Variants in KHDRBS3 observed in about 807,000 individuals in gnomAD.
KHDRBS3 encodes KH RNA binding domain containing, signal transduction associated 3.
A neutral mutation model predicts 45.6 loss-of-function variants in KHDRBS3; 23 were observed. The observed-to-expected ratio is 0.50, with a 90% confidence interval of 0.36 to 0.72. KHDRBS3 has a LOEUF of 0.72. Among genes scored for constraint, KHDRBS3 ranks in the 30% least tolerant of loss-of-function variants. The pLI is 0.00. For missense variants in KHDRBS3, 352 were observed against 424.8 expected (o/e 0.83, Z 1.51); for synonymous variants, 162 against 156.5 (o/e 1.04, Z -0.26).
At chr8:135,640,784 G>A (rs1414608033) in intron 7 of KHDRBS3, among the ~76,000 whole-genome samples, 1 of 152,112 alleles carries the variant, frequency 6.6e-6, no homozygotes, top group African/African-American at 2.4e-5. Context: ...GGCCTAATGT[G>A]TTTTCTTGCC....
At chr8:135,602,666 G>A (rs911316568) in intron 6 of KHDRBS3, among the ~76,000 whole-genome samples, 1 of 151,924 alleles carries the variant, frequency 6.6e-6, no homozygotes, top group African/African-American at 2.4e-5. Flanking sequence ...TTCTTTTCAA[G>A]CTAACATTAC....
intron 1 of KHDRBS3, among the ~76,000 whole-genome samples, chr8:135,512,939 G>A (rs1224528635): frequency 2.6e-5 from 4 of 152,170 alleles, no homozygotes; most frequent in Non-Finnish European, 4.4e-5. Context: ...GAGGCTAGGC[G>A]CAGTGGCTCA....
chr8:135,546,458 A>G (rs1826307779), intron 3 of KHDRBS3, among the ~76,000 whole-genome samples: 1 of 152,230 alleles, frequency 6.6e-6, no homozygotes, highest in Admixed American at 6.5e-5. Flanking sequence ...TACATAGCAT[A>G]ATAATCATGA....
chr8:135,650,089 T>G (rs1166396844), downstream of KHDRBS3, among the ~76,000 whole-genome samples: 2 of 152,144 alleles, frequency 1.3e-5, no homozygotes, highest in Non-Finnish European at 2.9e-5. Context: ...TTCACCCCCT[T>G]GGAATTCATT....
chr8:135,643,834 A>G (rs1413194989), intron 7 of KHDRBS3, among the ~76,000 whole-genome samples: 2 of 152,184 alleles, frequency 1.3e-5, no homozygotes, highest in African/African-American at 4.8e-5. Flanking sequence ...TGGGTATGGC[A>G]GTTTTACTAT....
At chr8:135,542,466 T>A (rs1483894253) in intron 2 of KHDRBS3, 188 bp from the exon 3 acceptor site, 1 of 498,960 alleles carries the variant, frequency 2.0e-6, no homozygotes, top group African/African-American at 2.0e-5. Context: ...ATCAGGGTTT[T>A]TTATTTTACG....
chr8:135,515,191 G>A (rs1051962098), intron 1 of KHDRBS3, among the ~76,000 whole-genome samples: 5 of 151,006 alleles, frequency 3.3e-5, no homozygotes, highest in Admixed American at 6.6e-5. Flanking sequence ...ACGGTGAAAC[G>A]CCGTCTCTAC....
At chr8:135,484,694 C>T (rs996489434) in intron 1 of KHDRBS3, among the ~76,000 whole-genome samples, 1 of 152,210 alleles carries the variant, frequency 6.6e-6, no homozygotes, top group Non-Finnish European at 1.5e-5. Flanking sequence ...ACAGCTCCTC[C>T]TATAAGCTGT....
chr8:135,531,692 T>C (rs951475090), intron 2 of KHDRBS3, among the ~76,000 whole-genome samples: 3 of 152,136 alleles, frequency 2.0e-5, no homozygotes, highest in South Asian at 2.1e-4. Flanking sequence ...TCTAGAGAAA[T>C]AATTATGGAT....
At chr8:135,629,731 A>G (rs1209315248) in intron 7 of KHDRBS3, among the ~76,000 whole-genome samples, 2 of 152,234 alleles carry the variant, frequency 1.3e-5, no homozygotes, top group Admixed American at 6.5e-5. Flanking sequence ...TTGAGGTGCA[A>G]AGAAATACTG....
intron 6 of KHDRBS3, among the ~76,000 whole-genome samples, chr8:135,598,728 C>T (rs1829079617): frequency 6.6e-6 from 1 of 152,156 alleles, no homozygotes; most frequent in African/African-American, 2.4e-5. Flanking sequence ...GATACTATTA[C>T]CTAGAACCCC....
At chr8:135,524,828 G>A (rs1361624244) in intron 2 of KHDRBS3, among the ~76,000 whole-genome samples, 1 of 151,214 alleles carries the variant, frequency 6.6e-6, no homozygotes, top group African/African-American at 2.4e-5. Context: ...ATAATTATCT[G>A]TTTCAGAATT....
chr8:135,506,033 A>G (rs1172538276), intron 1 of KHDRBS3, among the ~76,000 whole-genome samples: 1 of 152,146 alleles, frequency 6.6e-6, no homozygotes, highest in Non-Finnish European at 1.5e-5. Flanking sequence ...ATAGGCGGGT[A>G]GGTGTGGAGC....
intron 1 of KHDRBS3, among the ~76,000 whole-genome samples, chr8:135,474,013 C>T (rs1197175017): frequency 2.6e-5 from 4 of 152,194 alleles, no homozygotes; most frequent in Non-Finnish European, 5.9e-5. Context: ...GAGTCTGTCA[C>T]TGACATTTTT....
intron 5 of KHDRBS3, among the ~76,000 whole-genome samples, chr8:135,564,339 G>T (rs1050834327): frequency 1.3e-5 from 2 of 152,110 alleles, no homozygotes; most frequent in African/African-American, 4.8e-5. Flanking sequence ...AAGTTACGTA[G>T]CACCCAATAT....
chr8:135,518,375 C>A (rs1477452037), intron 1 of KHDRBS3, among the ~76,000 whole-genome samples: 1 of 152,084 alleles, frequency 6.6e-6, no homozygotes, highest in South Asian at 2.1e-4. Flanking sequence ...GGGGTTTCAC[C>A]TTGTTAGCCA....
At chr8:135,487,794 G>T (rs184709954) in intron 1 of KHDRBS3, among the ~76,000 whole-genome samples, 1 of 152,152 alleles carries the variant, frequency 6.6e-6, no homozygotes, top group Non-Finnish European at 1.5e-5. Flanking sequence ...GAGGATGAGC[G>T]AGAACGTTCA....
chr8:135,503,269 T>C (rs927483568), intron 1 of KHDRBS3, among the ~76,000 whole-genome samples: 1 of 152,230 alleles, frequency 6.6e-6, no homozygotes, highest in Non-Finnish European at 1.5e-5. Context: ...CTTGGGCACA[T>C]GCACAGTTCT....
chr8:135,468,786 A>T (rs1159192683), intron 1 of KHDRBS3, among the ~76,000 whole-genome samples: 2 of 152,246 alleles, frequency 1.3e-5, no homozygotes, highest in East Asian at 3.8e-4. Context: ...TGAATTAATG[A>T]TAATTGTGGG....
Sources: gnomAD v4.1 joint callset for allele counts (sites outside exome capture counted in the v4.1 genomes callset) on GRCh38, gnomAD v4.1.1 for gene constraint, MANE v1.5 for transcripts, NCBI Gene and HGNC (gene_info 2026-07-23, HGNC 2026-07-21) for gene names.